Variants in TRMU observed in about 807,000 individuals in gnomAD.
TRMU encodes tRNA mitochondrial 2-thiouridylase.
In TRMU, 49 loss-of-function variants were observed where a neutral mutation model predicts 46.9. That is an observed-to-expected ratio of 1.05 (90% CI 0.83 to 1.33). The LOEUF (loss-of-function observed/expected upper bound fraction) is 1.33, where lower values mean the gene tolerates loss of function less well. Ranked by LOEUF, TRMU falls within the 40% of genes most tolerant of loss-of-function variation. The pLI is 0.00. For missense variants in TRMU, 572 were observed against 532.4 expected (o/e 1.07, Z -0.73); for synonymous variants, 241 against 200.9 (o/e 1.20, Z -1.69).
chr22:46,355,116 G>A (rs1601993186), intron 8 of TRMU: 4 of 464,974 alleles, frequency 8.6e-6, no homozygotes, highest in Non-Finnish European at 1.6e-5. Flanking sequence ...CCGTGCTGCT[G>A]CCCCACAGGT....
rs2078455481 is a variant in TRMU, at chr22:46,352,313, T to C, written c.755T>C (p.Val252Ala). 1 of 1,614,000 alleles carries C rather than the reference T, an allele frequency of 6.2e-7. No homozygotes were observed. Among genetic ancestry groups the C allele is most frequent in the Non-Finnish European group, 8.5e-7 (1 of 1,180,018 alleles). ...TTTATTTCCATAGAAGACAATAAGG[T>C]TCTGGGAACACATAAAGGTGAGGTG... ...GHFISIEDNK[V>A]LGTHKGWFLY... is the part of the protein sequence containing the mutation. The change falls in exon 7 of 11, where the codon GTT becomes GCT. Residue 252 changes from valine (V) to alanine (A), a missense_variant. By Grantham distance (64) the Val-to-Ala change is moderately conservative. Transcript: ENST00000645190.
rs148262493 is a variant in TRMU at position 46,346,420 on chromosome 22, A to T, written c.356-2A>T. 1.2e-6 allele frequency: 2 copies of T among 1,612,186 alleles called. No individual in the cohort carries two copies. The highest frequency in any genetic ancestry group is 1.7e-6 in the Non-Finnish European group (2 of 1,178,848). On this transcript the variant is annotated splice_acceptor_variant, in intron 3 of 10. Transcript: ENST00000645190. LOFTEE classifies it high-confidence loss of function. ...GATCCTTGTGTTCTAAAAACCTCAC[A>T]GGGGCAGATGCCATTGCCACAGGTC...
At position 46,336,114 on chromosome 22, in the gene TRMU, G is replaced by C; in HGVS notation, c.82+268G>C. The C allele has an allele frequency of 7.4e-7, 1 of 1,344,528 alleles. No individual in the cohort carries two copies. Among genetic ancestry groups the C allele is most frequent in the African/African-American group, 1.5e-5 (1 of 64,712 alleles). 83.3% of individuals were successfully genotyped at this position (1,344,528 alleles called of 1,614,324 possible). On this transcript the variant is annotated intron_variant, in intron 1 of 10. Coordinates refer to ENST00000645190, the MANE Select transcript of TRMU (RefSeq NM_018006.5). This position sits in a 1 kb window ranked among gnomAD's most constrained non-coding sequence, Gnocchi z 4.1. ...CACGCGCGCCCACCCACAGTGAGAA[G>C]CCGGCGGGCCGGGGTGGGGTGGGGA...
chr22:46,351,686 A>G lies in TRMU; in HGVS notation c.652-435A>G, dbSNP rs547564998. On this transcript the variant is annotated intron_variant, in intron 5 of 10. Transcript: ENST00000645190. This position sits in a 1 kb window ranked among gnomAD's most constrained non-coding sequence, Gnocchi z 6.4. ...CGCACGCCACCCAGGCTCCCCAGCT[A>G]GGGCAGATGTGCTTGAGGAAGGCGC... 2.0e-5 allele frequency: 6 copies of G among 300,500 alleles called. No individual in the cohort carries two copies. The East Asian group carries it at 4.1e-4, about 21-fold the overall frequency. The allele number at this position is 300,500 out of a possible 1,614,324, so 18.6% of individuals were successfully genotyped here.
chr22:46,336,645 G>GT lies in TRMU; in HGVS notation c.82+800dup, dbSNP rs770704842. 1.3e-5 allele frequency: 2 copies of GT among 152,294 alleles called. No individual in the cohort carries two copies. Among genetic ancestry groups the GT allele is most frequent in the Non-Finnish European group, 2.9e-5 (2 of 68,104 alleles). 9.4% of individuals were successfully genotyped at this position (152,294 alleles called of 1,614,324 possible). ...TAGATGACATAGTACATACTGATGA[G>GT]TACGTGCTCAGCACATACGAGGTAC... On this transcript the variant is annotated intron_variant, in intron 1 of 10. Coordinates refer to ENST00000645190, the MANE Select transcript of TRMU (RefSeq NM_018006.5). This position sits in a 1 kb window ranked among gnomAD's most constrained non-coding sequence, Gnocchi z 4.1.
At chr22:46,345,459 G>C (rs2078228389) in intron 3 of TRMU, among the ~76,000 whole-genome samples, 2 of 152,208 alleles carry the variant, frequency 1.3e-5, no homozygotes, top group African/African-American at 4.8e-5. Context: ...AATATGAAAA[G>C]AAGAAACAGT....
chr22:46,339,624 G>C lies in TRMU; in HGVS notation c.248+1680G>C, dbSNP rs910176812. ...CAAAATCTCAGAAGTCACCACTGAA[G>C]AACTTATCCATGTGACCAAATACCA... On this transcript the variant is annotated intron_variant, in intron 2 of 10. Transcript: ENST00000645190. This position sits in a 1 kb window ranked among gnomAD's most constrained non-coding sequence, Gnocchi z 4.8. Among the ~76,000 whole-genome samples, 1 of 152,102 alleles carries C rather than the reference G, an allele frequency of 6.6e-6. No individual in the cohort carries two copies. The highest frequency in any genetic ancestry group is 6.6e-5 in the Admixed American group (1 of 15,264).
At position 46,337,802 on chromosome 22, in the gene TRMU, A is replaced by G. The variant is rs2078017548; in HGVS notation, c.106A>G (p.Met36Val). Residue 36 changes from methionine to valine, a missense_variant, in exon 2 of 11, where the codon ATG (methionine) becomes GTG (valine). By Grantham distance (21) the Met-to-Val change is conservative. Coordinates refer to ENST00000645190, the MANE Select transcript of TRMU (RefSeq NM_018006.5). The stretch of plus-strand genomic sequence containing the variant: ...AGGTTACCAGGTGACAGGGGTGTTT[A>G]TGAAGAACTGGGACTCACTGGATGA... ...RRGYQVTGVF[M>V]KNWDSLDEHG... 3 of 1,614,256 alleles carry G rather than the reference A, an allele frequency of 1.9e-6. No individual in the cohort carries two copies. Among genetic ancestry groups the G allele is most frequent in the East Asian group, 2.2e-5 (1 of 44,894 alleles).
At chr22:46,335,875 C>CG (rs1569057218) in intron 1 of TRMU, 29 bp downstream of exon 1, 5 of 1,533,534 alleles carry the variant, frequency 3.3e-6, no homozygotes, top group Non-Finnish European at 3.5e-6. Flanking sequence ...CCGCCCCCCG[C>CG]CGAGCGAATG....
chr22:46,345,361 G>A (rs544792870), intron 3 of TRMU, among the ~76,000 whole-genome samples: 3 of 152,258 alleles, frequency 2.0e-5, no homozygotes, highest in Admixed American at 1.3e-4. Flanking sequence ...GGCGTGAGCC[G>A]CTGCGCCTGG....
intron 3 of TRMU, among the ~76,000 whole-genome samples, chr22:46,345,254 G>C (rs932842012): frequency 6.6e-6 from 1 of 152,012 alleles, no homozygotes; most frequent in African/African-American, 2.4e-5. Context: ...TACTTTTTTT[G>C]TAGAGACGGG....
At position 46,335,755 on chromosome 22, in the gene TRMU, C is replaced by A. The variant is rs1345830928; in HGVS notation, c.-10C>A. 3.1e-5 allele frequency: 48 copies of A among 1,548,904 alleles called. No individual in the cohort carries two copies. The highest frequency in any genetic ancestry group is 4.0e-5 in the Non-Finnish European group (46 of 1,150,882). ...GGTAGCTGCAGCTGGCGAAGTTGGG[C>A]GACTGGCGGATGCAGGCCTTGCGGC... is the stretch of plus-strand genomic sequence containing the variant. On this transcript the variant is annotated 5_prime_UTR_variant, in exon 1 of 11. Transcript: ENST00000645190.
In TRMU at chr22:46,346,527, G is replaced by A. The variant is rs200963587; in HGVS notation, c.461G>A (p.Arg154Gln). The A allele has an allele frequency of 5.6e-5, 91 of 1,611,736 alleles. No homozygotes were observed. The highest frequency in any genetic ancestry group is 1.8e-4 in the Admixed American group (11 of 59,932). The change falls in exon 4 of 11, where the codon CGG (arginine) becomes CAG (glutamine). Residue 154 changes from arginine to glutamine, a missense_variant. Arg to Gln is a conservative substitution (Grantham distance 43). Coordinates refer to ENST00000645190, the MANE Select transcript of TRMU (RefSeq NM_018006.5). ...AAGCCCGAAGGGCTTTTCAGAAATC[G>A]GTTTGAAGTTAGAAATGGTAAGTTC... ...VKKPEGLFRN[R>Q]FEVRNAVKLL...
Position 46,350,213 on chromosome 22 carries a change from T to G in TRMU, c.479-78T>G. The G allele has an allele frequency of 6.3e-7, 1 of 1,580,748 alleles. No individual in the cohort carries two copies. Among genetic ancestry groups the G allele is most frequent in the Non-Finnish European group, 8.7e-7 (1 of 1,152,282 alleles). On this transcript the variant is annotated intron_variant, in intron 4 of 10. Transcript: ENST00000645190. The surrounding 1 kb of genome is among the most constrained non-coding windows in gnomAD (Gnocchi z 4.6). The stretch of plus-strand genomic sequence containing the variant: ...ACAGGCTAGGGGTAGTCTGTCTAAG[T>G]GAACAGAAGGACATTGTTGAAAGTG...
chr22:46,356,947 G>A lies in TRMU; in HGVS notation c.1207G>A (p.Ala403Thr). ...GAAGGGCCAGCGCAGAGCTGGGATG[G>A]CCACTGAGAGCCCCAGTGACAGCCC... ...LQKGQRRAGM[A>T]TESPSDSPED... is the part of the protein sequence containing the mutation. The change falls in exon 11 of 11, where the codon GCC becomes ACC. Residue 403 changes from alanine (A) to threonine (T), a missense_variant. Ala to Thr is a moderately conservative substitution (Grantham distance 58). Transcript: ENST00000645190. 1 of 1,613,510 alleles carries A rather than the reference G, an allele frequency of 6.2e-7. No homozygotes were observed.
At chr22:46,344,730 T>C (rs1374067541) in intron 3 of TRMU, among the ~76,000 whole-genome samples, 1 of 152,210 alleles carries the variant, frequency 6.6e-6, no homozygotes, top group Non-Finnish European at 1.5e-5. Flanking sequence ...CAGCACAGGA[T>C]GAGAGGACAT....
At position 46,357,273 on chromosome 22, in the gene TRMU, G is replaced by A; in HGVS notation, c.*267G>A. 1 of 562,074 alleles carries A rather than the reference G, an allele frequency of 1.8e-6. No homozygotes were observed. The highest frequency in any genetic ancestry group is 3.2e-6 in the Non-Finnish European group (1 of 317,336). The allele number at this position is 562,074 out of a possible 1,614,324, so 34.8% of individuals were successfully genotyped here. Reference sequence around the variant, plus strand: ...CCCCCAGGGAGGGTTTCCCACCTCAGAGTACACCGAGGGGACCTGCAGAGG... The same window carrying A: ...CCCCCAGGGAGGGTTTCCCACCTCAAAGTACACCGAGGGGACCTGCAGAGG... On this transcript the variant is annotated 3_prime_UTR_variant, in exon 11 of 11. Coordinates refer to ENST00000645190, the MANE Select transcript of TRMU (RefSeq NM_018006.5).
rs889318589 is a variant in TRMU, at chr22:46,338,974, C to CT, written c.248+1037dup. Among the ~76,000 whole-genome samples the CT allele has an allele frequency of 1.3e-5, 2 of 152,048 alleles. No homozygotes were observed. Among genetic ancestry groups the CT allele is most frequent in the Non-Finnish European group, 1.5e-5 (1 of 68,006 alleles). ...TGTTTTTTTAATTGAAAAAAATTCT[C>CT]TTTTTTTCCTGCCAACAAAGACCCA... On this transcript the variant is annotated intron_variant, in intron 2 of 10. Coordinates refer to ENST00000645190, the MANE Select transcript of TRMU (RefSeq NM_018006.5). This position sits in a 1 kb window ranked among gnomAD's most constrained non-coding sequence, Gnocchi z 4.5.
Position 46,352,064 on chromosome 22 carries a change from A to G in TRMU, c.652-57A>G, listed in dbSNP as rs1292698298. On this transcript the variant is annotated intron_variant, in intron 5 of 10. Transcript: ENST00000645190. ...CAGGGCCCGCTCAGGACGTCTGGGT[A>G]CAGCTTGGGCCACCGCCACTTCTGC... 33 of 1,593,734 alleles carry G rather than the reference A, an allele frequency of 2.1e-5. 1 individual carries two copies. The South Asian group carries it at 2.8e-4, about 13-fold the overall frequency.
Sources: allele counts gnomAD v4.1 joint callset (sites outside exome capture counted in the v4.1 genomes callset), GRCh38; gene constraint gnomAD v4.1.1; non-coding constraint Gnocchi (gnomAD v3.1); transcripts MANE v1.5; gene names NCBI Gene and HGNC (gene_info 2026-07-23, HGNC 2026-07-21).